The following AZIN1 variants were observed in gnomAD, a reference collection of about 807,000 sequenced individuals.
The protein encoded by AZIN1 is antizyme inhibitor 1, also known as ornithine decarboxylase antizyme inhibitor.
Under a neutral mutation model 47.4 loss-of-function variants are expected in AZIN1, and 12 were observed. The ratio of observed to expected loss-of-function variants is 0.25; its 90% CI spans 0.16 to 0.41. The LOEUF (loss-of-function observed/expected upper bound fraction) is 0.41, where lower values mean the gene tolerates loss of function less well. Ranked by LOEUF, AZIN1 falls within the 10% of genes least tolerant of loss-of-function variation. The probability of loss-of-function intolerance (pLI) is 1.00; values close to 1 mark genes in which losing one functional copy is unlikely to be tolerated. For synonymous variants in AZIN1, 155 were observed against 176.3 expected, an observed-to-expected ratio of 0.88 and a Z score of 0.96; for missense variants, 410 against 532.4, an observed-to-expected ratio of 0.77 and a Z score of 2.26.
intron 5 of AZIN1, chr8:102,836,622 A>C: frequency 2.0e-6 from 1 of 496,536 alleles, no homozygotes. Context: ...CAGCAAGTTA[A>C]GACTCTGTTG....
intron 2 of AZIN1, among the ~76,000 whole-genome samples, chr8:102,844,986 T>C (rs905470169): frequency 6.6e-6 from 1 of 152,194 alleles, no homozygotes; most frequent in African/African-American, 2.4e-5. Context: ...TCGACATAAA[T>C]GAGATAAAAC....
rs189925122 is a variant in AZIN1, at chr8:102,844,862, C to T, written c.-95-1115G>A. ...CTCCACTCAAATCAATGAAATAAAC[C>T]TGCCCACTCCCCCGGAGCACTCATT... On this transcript the variant is annotated intron_variant, in intron 2 of 11. Transcript: ENST00000337198. Among the ~76,000 whole-genome samples, 15 of 152,266 alleles carry T rather than the reference C, an allele frequency of 9.9e-5. No homozygotes were observed. The East Asian group carries it at 2.9e-3, about 29-fold the overall frequency.
At chr8:102,834,959 T>C in intron 6 of AZIN1, 2 of 500,672 alleles carry the variant, frequency 4.0e-6, no homozygotes, top group Non-Finnish European at 7.0e-6. Context: ...AAAACTGTAA[T>C]TCTATAAACA....
chr8:102,856,287 T>C (rs2131279063), intron 2 of AZIN1, among the ~76,000 whole-genome samples: 1 of 152,320 alleles, frequency 6.6e-6, no homozygotes. Context: ...TATATTTGTT[T>C]GACATAATAT....
chr8:102,839,813 T>C lies in AZIN1; in HGVS notation c.113A>G (p.Asn38Ser). 6.3e-7 allele frequency: 1 copy of C among 1,594,106 alleles called. No homozygotes were observed. The highest frequency in any genetic ancestry group is 8.5e-7 in the Non-Finnish European group (1 of 1,171,954). ...TCCAAGATCTCCCACAAAAAATGCATTTTTCCCTGTCTATTATGGTTATAA... is the reference window on the plus strand; with the variant it reads ...TCCAAGATCTCCCACAAAAAATGCACTTTTCCCTGTCTATTATGGTTATAA... The part of the protein sequence containing the change: ...YVYEHTLTGK[N>S]AFFVGDLGKI... Residue 38 changes from asparagine (N) to serine (S), a missense_variant, in exon 4 of 12, where the codon AAT (asparagine) becomes AGT (serine). Transcript: ENST00000337198.
Position 102,829,840 on chromosome 8 carries a change from G to A in AZIN1, c.1001C>T (p.Thr334Ile). ...FASKLSEDLN[T>I]IPEVHKKYKE... ...ACTTGCCTTGTGAACCTCTGGAATGGTATTTAAGTCCTCAGACAGTTTACT... is the reference window on the plus strand; with the variant it reads ...ACTTGCCTTGTGAACCTCTGGAATGATATTTAAGTCCTCAGACAGTTTACT... Residue 334 changes from threonine to isoleucine, a missense_variant, in exon 10 of 12, where the codon ACC becomes ATC. Coordinates refer to ENST00000337198, the MANE Select transcript of AZIN1 (RefSeq NM_148174.4). The A allele has an allele frequency of 6.2e-7, 1 of 1,611,182 alleles. No individual in the cohort carries two copies. The highest frequency in any genetic ancestry group is 8.5e-7 in the Non-Finnish European group (1 of 1,178,142).
intron 2 of AZIN1, among the ~76,000 whole-genome samples, chr8:102,847,963 C>A (rs538114008): frequency 1.3e-5 from 2 of 152,270 alleles, no homozygotes; most frequent in Non-Finnish European, 2.9e-5. Flanking sequence ...TCATGCGTTG[C>A]ATAACAACAT....
At chr8:102,830,402 A>C (rs1001113969) in intron 9 of AZIN1, among the ~76,000 whole-genome samples, 3 of 50,094 alleles carry the variant, frequency 6.0e-5, no homozygotes, top group African/African-American at 2.5e-4. Context: ...ACCCTGTCTC[A>C]AAAAAAAAAA....
intron 5 of AZIN1, chr8:102,836,681 C>T (rs1811844289): frequency 3.1e-6 from 1 of 319,064 alleles, no homozygotes; most frequent in Non-Finnish European, 5.7e-6. Context: ...ACATTACTTT[C>T]AAATGAAGTC....
In AZIN1 at chr8:102,847,453, G is replaced by C. The variant is rs1230551987; in HGVS notation, c.-95-3706C>G. Among the ~76,000 whole-genome samples the C allele has an allele frequency of 2.0e-5, 3 of 151,846 alleles. No homozygotes were observed. The East Asian group carries it at 5.8e-4, about 29-fold the overall frequency. On this transcript the variant is annotated intron_variant, in intron 2 of 11. Transcript: ENST00000337198. ...GCTGTAAATTCCTAGCCCAGAATAG[G>C]TACTCAGAAACAAATGGACAAAAGA...
chr8:102,830,696 A>T (rs915702615), intron 9 of AZIN1, among the ~76,000 whole-genome samples: 5 of 151,102 alleles, frequency 3.3e-5, no homozygotes, highest in African/African-American at 1.2e-4. Context: ...AGTGCTCTAC[A>T]TCGTTAGTCA....
rs1226220708 is a variant in AZIN1, at chr8:102,826,520, GCATAC to G, written c.*2042_*2046del. The G allele has an allele frequency of 6.6e-6, 1 of 152,574 alleles. No individual in the cohort carries two copies. The highest frequency in any genetic ancestry group is 1.5e-5 in the Non-Finnish European group (1 of 68,018). 9.5% of individuals were successfully genotyped at this position (152,574 alleles called of 1,614,324 possible). On this transcript the variant is annotated 3_prime_UTR_variant, in exon 12 of 12. Coordinates refer to ENST00000337198, the MANE Select transcript of AZIN1 (RefSeq NM_148174.4). Reference sequence around the variant, plus strand: ...CTTTACATTAATTCAGAACTTTTTAGCATACCAAATTGAAATACATAGGTTCAAAT... The same window carrying G: ...CTTTACATTAATTCAGAACTTTTTAGCAAATTGAAATACATAGGTTCAAAT...
At chr8:102,856,981 T>A (rs1190947406) in intron 2 of AZIN1, among the ~76,000 whole-genome samples, 2 of 152,150 alleles carry the variant, frequency 1.3e-5, no homozygotes, top group Admixed American at 6.5e-5. Flanking sequence ...AAAAAAGAAA[T>A]TATGCCAGTT....
chr8:102,834,954 T>G (rs550963830), intron 6 of AZIN1: 2 of 505,300 alleles, frequency 4.0e-6, no homozygotes, highest in African/African-American at 3.9e-5. Context: ...AAGATAAAAC[T>G]GTAATTCTAT....
intron 2 of AZIN1, chr8:102,855,400 T>C (rs1813220733): frequency 6.6e-6 from 1 of 152,164 alleles, no homozygotes; most frequent in Admixed American, 6.5e-5. Context: ...TTTTTCACAA[T>C]TAGGGGCCCA....
In AZIN1 at chr8:102,861,548, A is replaced by C. The variant is rs115058573; in HGVS notation, c.-234+2259T>G. Among the ~76,000 whole-genome samples, 523 of 152,206 alleles carry C rather than the reference A, an allele frequency of 3.4e-3. 4 individuals are homozygous for C. The highest frequency in any genetic ancestry group is 0.011 in the African/African-American group (471 of 41,562). ...AATAAAGTTTATTTTTAAAAAAAAC[A>C]ACCAAGGGACAGTCACCTAATGGGC... On this transcript the variant is annotated intron_variant, in intron 1 of 11. Transcript: ENST00000337198.
In AZIN1 at chr8:102,829,935, T is replaced by C. The variant is rs1243393088; in HGVS notation, c.906A>G (p.Val302=). 1 of 1,582,112 alleles carries C rather than the reference T, an allele frequency of 6.3e-7. No individual in the cohort carries two copies. The highest frequency in any genetic ancestry group is 8.6e-7 in the Non-Finnish European group (1 of 1,157,288). Reference sequence around the variant, plus strand: ...CTGGTTCATCACTTCCGGTTTTTTCTACTGGAATAAAACAGGAAAGGGGAA... The same window carrying C: ...CTGGTTCATCACTTCCGGTTTTTTCCACTGGAATAAAACAGGAAAGGGGAA... ...VVENDKFPSG[V]EKTGSDEPAF... Residue 302 remains valine (V), a splice_region_variant and synonymous_variant, in exon 10 of 12, where the codon GTA becomes GTG. Coordinates refer to ENST00000337198, the MANE Select transcript of AZIN1 (RefSeq NM_148174.4).
chr8:102,842,815 A>G (rs1173643933), intron 3 of AZIN1, among the ~76,000 whole-genome samples: 1 of 151,814 alleles, frequency 6.6e-6, no homozygotes, highest in Admixed American at 6.6e-5. Context: ...AGGATCCTAA[A>G]TCAATTGCTT....
chr8:102,842,233 T>C (rs1313668608), intron 3 of AZIN1, among the ~76,000 whole-genome samples: 2 of 152,136 alleles, frequency 1.3e-5, no homozygotes, highest in Admixed American at 6.5e-5. Context: ...TCAATGAACA[T>C]ACACAACCAA....
Sources: allele counts gnomAD v4.1 joint callset (sites outside exome capture counted in the v4.1 genomes callset), GRCh38; gene constraint gnomAD v4.1.1; transcripts MANE v1.5; gene names NCBI Gene and HGNC (gene_info 2026-07-23, HGNC 2026-07-21).